Variants in NOL12 observed in about 807,000 individuals in gnomAD.
NOL12 encodes the protein nucleolar protein 12.
NOL12 carries 21 observed loss-of-function variants against 25.2 expected under a neutral mutation model. The observed-to-expected ratio is 0.83, with a 90% CI of 0.59 to 1.20. NOL12 has a LOEUF of 1.20. Ranked by LOEUF, NOL12 falls within the 50% of genes most tolerant of loss-of-function variation. The probability of loss-of-function intolerance (pLI) is 0.00; values close to 1 mark genes in which losing one functional copy is unlikely to be tolerated. For synonymous variants in NOL12, 133 were observed against 113.8 expected, an observed-to-expected ratio of 1.17 and a Z score of -1.08; for missense variants, 286 against 287.6, an observed-to-expected ratio of 0.99 and a Z score of 0.04.
chr22:37,691,142 A>G, intron 5 of NOL12, 32 bp from the exon 6 acceptor site: 3 of 1,579,688 alleles, frequency 1.9e-6, no homozygotes, highest in Non-Finnish European at 2.6e-6. Flanking sequence ...CCACAATGCA[A>G]TCTTAAACTG....
intron 5 of NOL12, 68 bp from the exon 6 acceptor site, chr22:37,691,106 C>G: frequency 1.3e-6 from 2 of 1,520,520 alleles, no homozygotes; most frequent in Non-Finnish European, 1.8e-6. Context: ...CTGACATCCC[C>G]TCCGTGAGCC....
At position 37,686,476 on chromosome 22, in the gene NOL12, G is replaced by C. The variant is rs1243009728; in HGVS notation, c.83+1G>C. On this transcript the variant is annotated splice_donor_variant, in intron 1 of 5. Coordinates refer to ENST00000359114, the MANE Select transcript of NOL12 (RefSeq NM_024313.3). LOFTEE classifies it high-confidence loss of function. ...TTAGCTTCGACGAGGAGAAGAGGCG[G>C]TGAGTGGCAAAGCCGGACCGGACTC... 1.3e-6 allele frequency: 2 copies of C among 1,597,514 alleles called. No homozygotes were observed. The highest frequency in any genetic ancestry group is 1.7e-6 in the Non-Finnish European group (2 of 1,173,816).
chr22:37,687,371 C>T (rs1004753465), intron 1 of NOL12, among the ~76,000 whole-genome samples: 1 of 147,074 alleles, frequency 6.8e-6, no homozygotes, highest in Non-Finnish European at 1.5e-5. Flanking sequence ...TGTATCCTTT[C>T]TCTAACCTTG....
chr22:37,687,773 AAATGAGCTAATACTTACACTTTT>A, intron 1 of NOL12, 114 bp from the exon 2 acceptor site: 1 of 623,548 alleles, frequency 1.6e-6, no homozygotes, highest in South Asian at 1.9e-5. Context: ...TGTGAAGGTT[AAATGAGCTAATACTTACACTTTT>A]TTGGAATGGT....
rs141736495 is a variant in NOL12 at position 37,691,239 on chromosome 22, G to A, written c.545G>A (p.Arg182Gln). The A allele has an allele frequency of 1.5e-5, 25 of 1,613,942 alleles. No homozygotes were observed. Among genetic ancestry groups the A allele is most frequent in the East Asian group, 6.7e-5 (3 of 44,900 alleles). ...SRKKVKRKHPRRAQDSKKPPR... is the reference protein window; with the variant it reads ...SRKKVKRKHPQRAQDSKKPPR... Reference sequence around the variant, plus strand: ...AAAAAGGTCAAGAGGAAACATCCCCGACGGGCCCAGGACTCCAAAAAGCCC... The same window carrying A: ...AAAAAGGTCAAGAGGAAACATCCCCAACGGGCCCAGGACTCCAAAAAGCCC... Residue 182 changes from arginine (R) to glutamine (Q), a missense_variant, in exon 6 of 6, where the codon CGA becomes CAA. Coordinates refer to ENST00000359114, the MANE Select transcript of NOL12 (RefSeq NM_024313.3).
intron 5 of NOL12, 149 bp downstream of exon 5, chr22:37,690,943 G>C (rs1922039377): frequency 2.9e-6 from 2 of 690,464 alleles, no homozygotes; most frequent in Middle Eastern, 4.1e-4. Flanking sequence ...GCCCCGTCCT[G>C]TCCCACCCAC....
chr22:37,692,698 G>T lies in NOL12; in HGVS notation c.*1362G>T. ...GGTGAGGGGCATCTGCGACAGGACT[G>T]CGGGCTCTACCCGCCCTGATGTGGG... On this transcript the variant is annotated 3_prime_UTR_variant, in exon 6 of 6. Transcript: ENST00000359114. 1 of 399,114 alleles carries T rather than the reference G, an allele frequency of 2.5e-6. No individual in the cohort carries two copies. Among genetic ancestry groups the T allele is most frequent in the Non-Finnish European group, 4.4e-6 (1 of 226,424 alleles). 24.7% of individuals were successfully genotyped at this position (399,114 alleles called of 1,614,324 possible).
chr22:37,691,039 AG>A, intron 5 of NOL12, 134 bp from the exon 6 acceptor site: 2 of 1,053,658 alleles, frequency 1.9e-6, no homozygotes, highest in Non-Finnish European at 2.8e-6. Flanking sequence ...GGCACTCTGG[AG>A]GTAGAGCAGG....
At position 37,692,699 on chromosome 22, in the gene NOL12, C is replaced by T. The variant is rs930954906; in HGVS notation, c.*1363C>T. ...GTGAGGGGCATCTGCGACAGGACTGCGGGCTCTACCCGCCCTGATGTGGGA... is the reference window on the plus strand; with the variant it reads ...GTGAGGGGCATCTGCGACAGGACTGTGGGCTCTACCCGCCCTGATGTGGGA... On this transcript the variant is annotated 3_prime_UTR_variant, in exon 6 of 6. Coordinates refer to ENST00000359114, the MANE Select transcript of NOL12 (RefSeq NM_024313.3). 2.0e-4 allele frequency: 81 copies of T among 398,958 alleles called. No homozygotes were observed. The highest frequency in any genetic ancestry group is 2.1e-5 in the African/African-American group (1 of 48,638). 24.7% of individuals were successfully genotyped at this position (398,958 alleles called of 1,614,324 possible).
At chr22:37,686,670 C>T in intron 1 of NOL12, 195 bp downstream of exon 1, 1 of 985,444 alleles carries the variant, frequency 1.0e-6, no homozygotes, top group Non-Finnish European at 1.2e-6. Context: ...CTTGACCTCC[C>T]CACCTCGCCT....
chr22:37,686,867 C>CT (rs1569023938), intron 1 of NOL12: 1 of 985,330 alleles, frequency 1.0e-6, no homozygotes, highest in African/African-American at 1.7e-5. Flanking sequence ...TATTGGGCTC[C>CT]TTTGGTGTGC....
At chr22:37,690,110 G>T (rs1468336826) in intron 4 of NOL12, among the ~76,000 whole-genome samples, 2 of 152,216 alleles carry the variant, frequency 1.3e-5, no homozygotes, top group African/African-American at 4.8e-5. Flanking sequence ...GGTGGAGGTT[G>T]TGGTGAGCCG....
chr22:37,693,014 TC>T lies in NOL12; in HGVS notation c.*1682del. Reference sequence around the variant, plus strand: ...TGCTCTCCCTGCCACCAAGTTGTCTTCCCCGGGTGGCATGTGCCACTTGGCT... The same window carrying T: ...TGCTCTCCCTGCCACCAAGTTGTCTTCCCGGGTGGCATGTGCCACTTGGCT... On this transcript the variant is annotated 3_prime_UTR_variant, in exon 6 of 6. Coordinates refer to ENST00000359114, the MANE Select transcript of NOL12 (RefSeq NM_024313.3). 1 of 284,158 alleles carries T rather than the reference TC, an allele frequency of 3.5e-6. No homozygotes were observed. Among genetic ancestry groups the T allele is most frequent in the Non-Finnish European group, 6.5e-6 (1 of 152,954 alleles). 17.6% of individuals were successfully genotyped at this position (284,158 alleles called of 1,614,324 possible).
In NOL12 at chr22:37,692,454, G is replaced by A. The variant is rs532841157; in HGVS notation, c.*1118G>A. 2 of 398,670 alleles carry A rather than the reference G, an allele frequency of 5.0e-6. No homozygotes were observed. Among genetic ancestry groups the A allele is most frequent in the South Asian group, 2.5e-4 (2 of 7,854 alleles). 24.7% of individuals were successfully genotyped at this position (398,670 alleles called of 1,614,324 possible). A position where few individuals can be genotyped will look rare whatever the true frequency, so the allele number is the denominator to read the frequency against. ...GGTGCCAGCTAGAACTCCACAAGGG[G>A]CCATGTCTTCACACTCCTTCCAGAT... On this transcript the variant is annotated 3_prime_UTR_variant, in exon 6 of 6. Coordinates refer to ENST00000359114, the MANE Select transcript of NOL12 (RefSeq NM_024313.3).
Position 37,687,893 on chromosome 22 carries a change from C to T in NOL12, c.84-17C>T, listed in dbSNP as rs776376593. 6.5e-5 allele frequency: 100 copies of T among 1,549,994 alleles called. No individual in the cohort carries two copies. The highest frequency in any genetic ancestry group is 4.4e-4 in the African/African-American group (32 of 73,338). On this transcript the variant is annotated splice_polypyrimidine_tract_variant and intron_variant, in intron 1 of 5. Transcript: ENST00000359114. ...TGTATAATGACTCTCCTGTCTCTGC[C>T]GGCTTCCTTCCTGTAGGGAGTACCT...
intron 1 of NOL12, among the ~76,000 whole-genome samples, chr22:37,687,569 C>A (rs1048299845): frequency 6.6e-6 from 1 of 152,084 alleles, no homozygotes; most frequent in South Asian, 2.1e-4. Context: ...GCAATTCTCC[C>A]CGCTCAGCCT....
intron 4 of NOL12, among the ~76,000 whole-genome samples, chr22:37,689,213 G>A (rs923559493): frequency 6.6e-6 from 1 of 152,214 alleles, no homozygotes; most frequent in African/African-American, 2.4e-5. Context: ...CCTGCTTCCG[G>A]GGTGCTGCAA....
In NOL12 at chr22:37,686,435, C is replaced by G; in HGVS notation, c.43C>G (p.Arg15Gly). 6.2e-7 allele frequency: 1 copy of G among 1,605,188 alleles called. No homozygotes were observed. The change falls in exon 1 of 6, where the codon CGG becomes GGG. Residue 15 changes from arginine to glycine, a missense_variant. Transcript: ENST00000359114. ...GAAGAAGCGAGATGGTGACGACCGG[C>G]GGCCGAGGCTCGTTCTTAGCTTCGA... ...KKKKRDGDDR[R>G]PRLVLSFDEE...
intron 4 of NOL12, among the ~76,000 whole-genome samples, chr22:37,690,391 A>G (rs1167087352): frequency 1.3e-5 from 2 of 152,162 alleles, no homozygotes; most frequent in South Asian, 2.1e-4. Flanking sequence ...TATGCTCACT[A>G]TTCTGCAAGT....
Sources: gnomAD v4.1 joint callset for allele counts (sites outside exome capture counted in the v4.1 genomes callset) on GRCh38, gnomAD v4.1.1 for gene constraint, MANE v1.5 for transcripts, NCBI Gene and HGNC (gene_info 2026-07-23, HGNC 2026-07-21) for gene names.